PHLDB2: variants seen among roughly 807,000 people sequenced by gnomAD.
The protein encoded by PHLDB2 is pleckstrin homology like domain family B member 2, also known as pleckstrin homology-like domain family B member 2.
Under a neutral mutation model 123.6 loss-of-function variants are expected in PHLDB2, and 71 were observed. The ratio of observed to expected loss-of-function variants is 0.57; its 90% CI spans 0.47 to 0.70. PHLDB2 has a LOEUF of 0.70. Ranked by LOEUF, PHLDB2 falls within the 30% of genes least tolerant of loss-of-function variation. The pLI, the probability that PHLDB2 is intolerant of heterozygous loss-of-function variation, is 0.00. For missense variants in PHLDB2, 1,446 were observed against 1,519.5 expected (o/e 0.95, Z 0.80); for synonymous variants, 547 against 541.6 (o/e 1.01, Z -0.14).
intron 12 of PHLDB2, among the ~76,000 whole-genome samples, chr3:111,960,470 A>G (rs772098363): frequency 1.8e-4 from 28 of 152,258 alleles, no homozygotes; most frequent in Non-Finnish European, 3.5e-4. Flanking sequence ...TTAAATATCT[A>G]AAACCACTCC....
chr3:111,868,870 G>T (rs930101226), intron 1 of PHLDB2, among the ~76,000 whole-genome samples: 1 of 152,054 alleles, frequency 6.6e-6, no homozygotes, highest in Non-Finnish European at 1.5e-5. Context: ...GTTATCACAG[G>T]GAACATGCAG....
At chr3:111,881,147 C>T (rs1020368010) in intron 1 of PHLDB2, among the ~76,000 whole-genome samples, 62 of 152,314 alleles carry the variant, frequency 4.1e-4, no homozygotes, top group African/African-American at 1.4e-3. Context: ...GCTGGCATAG[C>T]TGCAGTGACA....
At chr3:111,942,172 CA>C (rs898623904) in intron 8 of PHLDB2, among the ~76,000 whole-genome samples, 137 of 152,248 alleles carry the variant, frequency 9.0e-4, no homozygotes, top group African/African-American at 3.2e-3. Context: ...AGCACAATCA[CA>C]GATATAATAT....
chr3:111,852,000 T>C (rs2064276409), intron 2 of PHLDB2, among the ~76,000 whole-genome samples: 1 of 152,152 alleles, frequency 6.6e-6, no homozygotes, highest in African/African-American at 2.4e-5. Context: ...TCTTCCCTGT[T>C]GGACTCATAG....
intron 8 of PHLDB2, 64 bp from the exon 9 acceptor site, chr3:111,945,204 C>A: frequency 2.8e-6 from 3 of 1,077,426 alleles, no homozygotes; most frequent in Non-Finnish European, 4.2e-6. Flanking sequence ...AATGCAAAGT[C>A]ACCATGCTTC....
intron 1 of PHLDB2, among the ~76,000 whole-genome samples, chr3:111,739,587 ACAAAAC>A (rs1167543674): frequency 4.6e-5 from 5 of 108,748 alleles, no homozygotes; most frequent in South Asian, 3.2e-4. Flanking sequence ...AAAAAAAAAA[ACAAAAC>A]AAACAAAAAA....
At chr3:111,955,200 G>T (rs888656101) in intron 12 of PHLDB2, among the ~76,000 whole-genome samples, 1 of 149,076 alleles carries the variant, frequency 6.7e-6, no homozygotes, top group African/African-American at 2.5e-5. Flanking sequence ...TACTAAAGGC[G>T]ATTTAAAAAT....
intron 1 of PHLDB2, among the ~76,000 whole-genome samples, chr3:111,835,801 A>C (rs2063369475): frequency 6.6e-6 from 1 of 152,168 alleles, no homozygotes; most frequent in South Asian, 2.1e-4. Context: ...TAGTGACCCC[A>C]TGTAGTCTTT....
intron 1 of PHLDB2, among the ~76,000 whole-genome samples, chr3:111,830,965 GAAAGAAAGAAA>G (rs2062961259): frequency 1.7e-4 from 8 of 48,440 alleles, no homozygotes; most frequent in African/African-American, 3.8e-4. Context: ...GAGAAAGAAA[GAAAGAAAGAAA>G]GAAAGAAAGA....
At chr3:111,835,922 T>C (rs1439598450) in intron 1 of PHLDB2, among the ~76,000 whole-genome samples, 2 of 152,172 alleles carry the variant, frequency 1.3e-5, no homozygotes, top group African/African-American at 4.8e-5. Flanking sequence ...TAGCATAGCA[T>C]CACTTCCACT....
At chr3:111,897,145 A>G (rs1458386473) in intron 2 of PHLDB2, among the ~76,000 whole-genome samples, 1 of 152,204 alleles carries the variant, frequency 6.6e-6, no homozygotes, top group Non-Finnish European at 1.5e-5. Context: ...CTCCATTTCT[A>G]TAATTTTATC....
At chr3:111,871,664 A>AC (rs11413311) in intron 1 of PHLDB2, among the ~76,000 whole-genome samples, 91,612 of 151,904 alleles carry the variant, frequency 0.6, 28,590 homozygotes, top group Middle Eastern at 0.79. Context: ...AAACAAACAA[A>AC]AAAAACTCCA....
At chr3:111,953,892 T>C in intron 11 of PHLDB2, 38 bp from the exon 12 acceptor site, 1 of 1,539,654 alleles carries the variant, frequency 6.5e-7, no homozygotes, top group Non-Finnish European at 9.0e-7. Flanking sequence ...CCATTCAGCC[T>C]GCAGCTTGCC....
chr3:111,854,363 A>G (rs529608992), upstream of PHLDB2, among the ~76,000 whole-genome samples: 1 of 152,312 alleles, frequency 6.6e-6, no homozygotes, highest in Non-Finnish European at 1.5e-5. Flanking sequence ...CAGGGCTTAA[A>G]ACCCAGTTCT....
chr3:111,930,293 C>A (rs2107565391), intron 5 of PHLDB2, among the ~76,000 whole-genome samples: 1 of 152,090 alleles, frequency 6.6e-6, no homozygotes, highest in South Asian at 2.1e-4. Context: ...AGATTTGAGA[C>A]CTGTGTTTTA....
At position 111,884,430 on chromosome 3, in the gene PHLDB2, T is replaced by C. The variant is rs762127160; in HGVS notation, c.353T>C (p.Leu118Pro). 3.7e-6 allele frequency: 6 copies of C among 1,614,056 alleles called. No individual in the cohort carries two copies. The African/African-American group carries it at 8.0e-5, about 22-fold the overall frequency. ...PTPLLNTTSS[L>P]SGYPLGRADF... The stretch of plus-strand genomic sequence containing the variant: ...CCTTTACTCAACACTACATCCTCCC[T>C]CAGTGGATATCCACTTGGAAGAGCA... Residue 118 changes from leucine to proline, a missense_variant, in exon 2 of 18, where the codon CTC becomes CCC. By Grantham distance (98) the Leu-to-Pro change is moderately conservative (BLOSUM62 -3). Around this residue, in one of 3 missense-constraint regions of PHLDB2, gnomAD observed 832 missense variants for 831.9 expected, o/e 1.00. Coordinates refer to ENST00000431670, the MANE Select transcript of PHLDB2 (RefSeq NM_001134438.2).
In PHLDB2 at chr3:111,976,425, T is replaced by A. The variant is rs1444488562; in HGVS notation, c.*1862T>A. 3 of 152,232 alleles carry A rather than the reference T, an allele frequency of 2.0e-5. No individual in the cohort carries two copies. Among genetic ancestry groups the A allele is most frequent in the Non-Finnish European group, 2.9e-5 (2 of 68,038 alleles). The allele number at this position is 152,232 out of a possible 1,614,324, so 9.4% of individuals were successfully genotyped here. A position where few individuals can be genotyped will look rare whatever the true frequency, so the allele number is the denominator to read the frequency against. Reference sequence around the variant, plus strand: ...TCCAATAGAAGTATCTCTGGTTACATCCTATTGCTTACAAAATGAAATGAA... The same window carrying A: ...TCCAATAGAAGTATCTCTGGTTACAACCTATTGCTTACAAAATGAAATGAA... On this transcript the variant is annotated 3_prime_UTR_variant, in exon 18 of 18. Coordinates refer to ENST00000431670, the MANE Select transcript of PHLDB2 (RefSeq NM_001134438.2).
At chr3:111,832,617 G>C (rs2063107113) in intron 1 of PHLDB2, among the ~76,000 whole-genome samples, 1 of 142,064 alleles carries the variant, frequency 7.0e-6, no homozygotes, top group African/African-American at 2.6e-5. Flanking sequence ...TATATATATA[G>C]ATACATATCA....
intron 5 of PHLDB2, among the ~76,000 whole-genome samples, chr3:111,928,173 A>G (rs1282964512): frequency 6.6e-6 from 1 of 152,202 alleles, no homozygotes; most frequent in African/African-American, 2.4e-5. Flanking sequence ...TGTTTGGTTT[A>G]CTTGAGACAT....
Sources: gnomAD v4.1 joint callset for allele counts (sites outside exome capture counted in the v4.1 genomes callset) on GRCh38, gnomAD v4.1.1 for gene constraint, gnomAD v4.1.1 regional missense constraint, MANE v1.5 for transcripts, NCBI Gene and HGNC (gene_info 2026-07-23, HGNC 2026-07-21) for gene names.